Variants in CASK observed in about 807,000 individuals in gnomAD.
CASK encodes calcium/calmodulin dependent serine protein kinase.
In CASK, 4 loss-of-function variants were observed where a neutral mutation model predicts 82.9. The observed-to-expected ratio is 0.05, with a 90% confidence interval of 0.02 to 0.11. The LOEUF (loss-of-function observed/expected upper bound fraction) is 0.11. Ranked by LOEUF, CASK falls within the 10% of genes least tolerant of loss-of-function variation. The pLI, the probability that CASK is intolerant of heterozygous loss-of-function variation, is 1.00. For missense variants in CASK, 358 were observed against 720.9 expected (o/e 0.50, Z 5.76); for synonymous variants, 259 against 253.5 (o/e 1.02, Z -0.20).
chrX:41,689,243 C>T (rs2067497732), intron 5 of CASK, among the ~76,000 whole-genome samples: 1 of 111,819 alleles, frequency 8.9e-6, no homozygotes, highest in Non-Finnish European at 1.9e-5. Context: ...GCTTGAATGA[C>T]ACCTCTGCCT....
intron 11 of CASK, among the ~76,000 whole-genome samples, chrX:41,620,754 A>C (rs780303934): frequency 5.3e-5 from 6 of 112,206 alleles, no homozygotes; most frequent in Admixed American, 3.8e-4. Flanking sequence ...CCTGTAATGG[A>C]AACTGTATTT....
At chrX:41,581,742 A>G (rs1415719260) in intron 14 of CASK, among the ~76,000 whole-genome samples, 1 of 102,456 alleles carries the variant, frequency 9.8e-6, no homozygotes, top group Non-Finnish European at 1.9e-5. Flanking sequence ...TTAATATAGT[A>G]TATATATATA....
chrX:41,770,339 T>C (rs1356594664), intron 3 of CASK, among the ~76,000 whole-genome samples: 5 of 108,904 alleles, frequency 4.6e-5, no homozygotes, highest in African/African-American at 1.3e-4. Context: ...CATCCATCCA[T>C]CCATCCATCC....
intron 11 of CASK, among the ~76,000 whole-genome samples, chrX:41,614,230 G>A (rs1324808780): frequency 9.0e-6 from 1 of 111,381 alleles, no homozygotes; most frequent in Non-Finnish European, 1.9e-5. Flanking sequence ...CTCCTAACCT[G>A]TGGCAACTAC....
At chrX:41,609,026 A>G (rs2065999423) in intron 12 of CASK, among the ~76,000 whole-genome samples, 1 of 112,549 alleles carries the variant, frequency 8.9e-6, no homozygotes, top group Non-Finnish European at 1.9e-5. Flanking sequence ...CATTATGTAC[A>G]TATAATTTAT....
chrX:41,886,096 G>A (rs1243167167), intron 1 of CASK, among the ~76,000 whole-genome samples: 1 of 111,742 alleles, frequency 8.9e-6, no homozygotes, highest in Non-Finnish European at 1.9e-5. Context: ...ATCTGTTGCT[G>A]TTACAATAGT....
intron 2 of CASK, among the ~76,000 whole-genome samples, chrX:41,800,332 G>C (rs2069967070): frequency 9.1e-6 from 1 of 110,378 alleles, no homozygotes. Flanking sequence ...GAGGATCTGG[G>C]TGGAACAGCC....
At chrX:41,691,860 A>AG (rs1191508578) in intron 5 of CASK, among the ~76,000 whole-genome samples, 5 of 106,710 alleles carry the variant, frequency 4.7e-5, no homozygotes, top group African/African-American at 3.4e-5. Context: ...AAAAAAAAAA[A>AG]AAAAAGAGTT....
chrX:41,538,449 G>C (rs1227240614), intron 22 of CASK, among the ~76,000 whole-genome samples: 1 of 111,538 alleles, frequency 9.0e-6, no homozygotes, highest in Non-Finnish European at 1.9e-5. Context: ...TGGAAGTCCT[G>C]GGGGCTGAGG....
chrX:41,704,126 T>C (rs2067846262), intron 5 of CASK, among the ~76,000 whole-genome samples: 1 of 111,079 alleles, frequency 9.0e-6, no homozygotes, highest in South Asian at 3.8e-4. Flanking sequence ...TTCTGGGTTC[T>C]AAATCCTTTG....
rs948395193 is a variant in CASK at position 41,596,052 on chromosome X, G to A, written c.1156-6460C>T. Among the ~76,000 whole-genome samples, 5 of 110,039 alleles carry A rather than the reference G, an allele frequency of 4.5e-5. No individual in the cohort carries two copies. The Admixed American group carries it at 4.8e-4, about 11-fold the overall frequency. Reference sequence around the variant, plus strand: ...TCTACTAAAAATACAAAAATGAGCTGGGTGTGGTGGTGCATGCCTGTAGTC... The same window carrying A: ...TCTACTAAAAATACAAAAATGAGCTAGGTGTGGTGGTGCATGCCTGTAGTC... On this transcript the variant is annotated intron_variant, in intron 12 of 26. Transcript: ENST00000378163.
intron 25 of CASK, chrX:41,529,417 C>G: frequency 5.7e-6 from 1 of 175,638 alleles, no homozygotes; most frequent in African/African-American, 3.1e-5. Flanking sequence ...GTGGCGGTGG[C>G]GGCGGCAGCA....
chrX:41,750,876 T>C lies in CASK; in HGVS notation c.279-5275A>G, dbSNP rs7062185. Among the ~76,000 whole-genome samples the C allele has an allele frequency of 8.8e-3, 977 of 111,584 alleles. 7 individuals are homozygous for C. Among genetic ancestry groups the C allele is most frequent in the African/African-American group, 0.031 (938 of 30,718 alleles). On this transcript the variant is annotated intron_variant, in intron 3 of 26. Coordinates refer to ENST00000378163, the MANE Select transcript of CASK (RefSeq NM_001367721.1). ...ATCACGTGCTATGATTTCACAGCAATGTCAAATTGCTGTAACAGTTTCTAA... is the reference window on the plus strand; with the variant it reads ...ATCACGTGCTATGATTTCACAGCAACGTCAAATTGCTGTAACAGTTTCTAA...
Position 41,676,331 on chromosome X carries a change from C to T in CASK, c.430-4801G>A, listed in dbSNP as rs995964142. On this transcript the variant is annotated intron_variant, in intron 5 of 26. Coordinates refer to ENST00000378163, the MANE Select transcript of CASK (RefSeq NM_001367721.1). ...TGAGACGACCCTCCAAGATGACCTA[C>T]GGGCTCCTAAAACATTTTTATAAGC... 30 of 1,197,305 alleles carry T rather than the reference C, an allele frequency of 2.5e-5. No individual in the cohort carries two copies. In the African/African-American group the frequency reaches 3.3e-4, roughly 13 times the overall value.
At chrX:41,819,703 T>C (rs1400554751) in intron 2 of CASK, among the ~76,000 whole-genome samples, 1 of 111,731 alleles carries the variant, frequency 9.0e-6, no homozygotes, top group African/African-American at 3.2e-5. Context: ...AATATTAGTA[T>C]TTTTACCACA....
chrX:41,805,673 A>G (rs2070106800), intron 2 of CASK, among the ~76,000 whole-genome samples: 1 of 111,671 alleles, frequency 9.0e-6, no homozygotes, highest in South Asian at 3.7e-4. Flanking sequence ...TTATATGCAG[A>G]GTTCAAGAGC....
rs200780473 is a variant in CASK at position 41,727,126 on chromosome X, A to T, written c.429+12258T>A. ...TTGTATTGTTGGTGTTTTTGGAAAC[A>T]CTCTCTCTCAATGGATATTTTTAAC... On this transcript the variant is annotated intron_variant, in intron 5 of 26. Coordinates refer to ENST00000378163, the MANE Select transcript of CASK (RefSeq NM_001367721.1). 57 of 1,190,175 alleles carry T rather than the reference A, an allele frequency of 4.8e-5. No homozygotes were observed. Among genetic ancestry groups the T allele is most frequent in the Non-Finnish European group, 6.5e-5 (57 of 877,829 alleles).
chrX:41,798,711 T>C (rs2069923322), intron 2 of CASK, among the ~76,000 whole-genome samples: 1 of 112,515 alleles, frequency 8.9e-6, no homozygotes, highest in South Asian at 3.7e-4. Context: ...AGCACATGCC[T>C]GTAATCCCAG....
At chrX:41,742,720 T>G (rs2147727710) in intron 4 of CASK, among the ~76,000 whole-genome samples, 1 of 112,247 alleles carries the variant, frequency 8.9e-6, no homozygotes, top group African/African-American at 3.2e-5. Flanking sequence ...GAAGAAAGAT[T>G]AGAAGTCATC....
Sources: allele counts gnomAD v4.1 joint callset (sites outside exome capture counted in the v4.1 genomes callset), GRCh38; gene constraint gnomAD v4.1.1; transcripts MANE v1.5; gene names NCBI Gene and HGNC (gene_info 2026-07-23, HGNC 2026-07-21).